The following MYO3A variants were observed in gnomAD, a reference collection of about 807,000 sequenced individuals.
MYO3A encodes the protein myosin-IIIa.
Under a neutral mutation model 192.7 loss-of-function variants are expected in MYO3A, and 180 were observed. The ratio of observed to expected loss-of-function variants is 0.93; its 90% CI spans 0.83 to 1.06. The LOEUF is 1.06. Ranked by LOEUF, MYO3A falls within the 50% of genes least tolerant of loss-of-function variation. The probability of loss-of-function intolerance (pLI) is 0.00; values close to 1 mark genes in which losing one functional copy is unlikely to be tolerated. For synonymous variants in MYO3A, 628 were observed against 645.3 expected, an observed-to-expected ratio of 0.97 and a Z score of 0.41; for missense variants, 1,896 against 1,905.0, an observed-to-expected ratio of 1.00 and a Z score of 0.09.
intron 6 of MYO3A, among the ~76,000 whole-genome samples, chr10:26,003,422 A>G (rs1840976500): frequency 6.6e-6 from 1 of 152,224 alleles, no homozygotes; most frequent in Non-Finnish European, 1.5e-5. Flanking sequence ...GAAGCTACCT[A>G]ATTACACTAA....
intron 2 of MYO3A, among the ~76,000 whole-genome samples, chr10:25,942,651 G>A (rs1836573051): frequency 6.6e-6 from 1 of 152,156 alleles, no homozygotes; most frequent in African/African-American, 2.4e-5. Context: ...TGAGCATGAA[G>A]TGGTATTGCA....
At chr10:26,000,053 A>G (rs1445680196) in intron 6 of MYO3A, among the ~76,000 whole-genome samples, 2 of 152,106 alleles carry the variant, frequency 1.3e-5, no homozygotes, top group Non-Finnish European at 2.9e-5. Context: ...CACTGCAGCC[A>G]GGGGGATCCT....
rs1488437883 is a variant in MYO3A, at chr10:26,021,659, T to C, written c.731+11T>C. 2 of 1,613,898 alleles carry C rather than the reference T, an allele frequency of 1.2e-6. No individual in the cohort carries two copies. The highest frequency in any genetic ancestry group is 1.3e-5 in the African/African-American group (1 of 74,916). ...CTTCAAAATACCAAGGTCAGATGAC[T>C]AACATTGGGTCCAGTATCTGCAGCC... On this transcript the variant is annotated intron_variant, in intron 8 of 34. Coordinates refer to ENST00000642920, the MANE Select transcript of MYO3A (RefSeq NM_017433.5).
intron 20 of MYO3A, among the ~76,000 whole-genome samples, chr10:26,142,226 G>A (rs889504768): frequency 1.3e-5 from 2 of 152,136 alleles, no homozygotes; most frequent in Non-Finnish European, 2.9e-5. Context: ...TGTTCCACTC[G>A]AGTCAGTGAT....
intron 7 of MYO3A, 25 bp from the exon 8 acceptor site, chr10:26,021,478 T>C: frequency 6.2e-7 from 1 of 1,612,846 alleles, no homozygotes; most frequent in South Asian, 1.1e-5. Context: ...AAATTTCACC[T>C]TTTGATGGTG....
At chr10:25,996,228 T>C (rs928933404) in intron 4 of MYO3A, among the ~76,000 whole-genome samples, 2 of 152,190 alleles carry the variant, frequency 1.3e-5, no homozygotes, top group Non-Finnish European at 2.9e-5. Flanking sequence ...ATAATTCTTA[T>C]CCTTGCATTT....
At chr10:25,953,099 A>G (rs1048480023) in intron 3 of MYO3A, among the ~76,000 whole-genome samples, 5 of 151,816 alleles carry the variant, frequency 3.3e-5, no homozygotes, top group African/African-American at 1.2e-4. Flanking sequence ...ATTGAAAGCA[A>G]CTGCTCCAAT....
intron 4 of MYO3A, among the ~76,000 whole-genome samples, chr10:25,981,270 C>T (rs931653511): frequency 3.9e-5 from 6 of 152,066 alleles, no homozygotes; most frequent in African/African-American, 1.2e-4. Flanking sequence ...ATATACCAAC[C>T]ATACCATACA....
chr10:26,019,899 C>G (rs1013281394), intron 7 of MYO3A, among the ~76,000 whole-genome samples: 2 of 152,170 alleles, frequency 1.3e-5, no homozygotes, highest in African/African-American at 4.8e-5. Flanking sequence ...TTTACTGTTT[C>G]CCTCAGTACT....
intron 15 of MYO3A, among the ~76,000 whole-genome samples, chr10:26,090,065 G>A (rs954743069): frequency 1.1e-4 from 17 of 152,270 alleles, no homozygotes; most frequent in African/African-American, 2.6e-4. Context: ...TAGAAGGACC[G>A]CGGGATCTTA....
At position 26,145,393 on chromosome 10, in the gene MYO3A, T is replaced by C. The variant is rs111849833; in HGVS notation, c.2417-53T>C. Reference sequence around the variant, plus strand: ...TTTATGGTAAATAATTTTCGCAGTATTTTTTGAGGATCTCATACATGCTTG... The same window carrying C: ...TTTATGGTAAATAATTTTCGCAGTACTTTTTGAGGATCTCATACATGCTTG... On this transcript the variant is annotated intron_variant, in intron 21 of 34. Transcript: ENST00000642920. 1.3e-3 allele frequency: 1,616 copies of C among 1,273,374 alleles called. 20 individuals carry two copies. In the African/African-American group the frequency reaches 0.021, roughly 16 times the overall value. The allele number at this position is 1,273,374 out of a possible 1,614,324, so 78.9% of individuals were successfully genotyped here.
At chr10:26,193,411 G>T in intron 32 of MYO3A, 100 bp downstream of exon 32, 1 of 983,094 alleles carries the variant, frequency 1.0e-6, no homozygotes, top group Non-Finnish European at 1.6e-6. Flanking sequence ...AGGAAGGCCT[G>T]GCAGGACAGA....
intron 24 of MYO3A, 105 bp from the exon 25 acceptor site, chr10:26,154,641 T>A (rs1016059405): frequency 8.1e-6 from 8 of 982,530 alleles, no homozygotes; most frequent in African/African-American, 6.4e-5. Context: ...TTTACATATT[T>A]GAATGCATAA....
At chr10:26,180,503 G>A (rs1019749908) in intron 31 of MYO3A, among the ~76,000 whole-genome samples, 33 of 152,272 alleles carry the variant, frequency 2.2e-4, no homozygotes, top group Middle Eastern at 6.8e-3. Context: ...GAAATTTCCA[G>A]TTAATGCAAT....
chr10:26,198,192 C>G (rs1356797873), intron 32 of MYO3A, among the ~76,000 whole-genome samples: 1 of 151,990 alleles, frequency 6.6e-6, no homozygotes, highest in African/African-American at 2.4e-5. Flanking sequence ...AATGGCGATT[C>G]TAGCGGCCTT....
In MYO3A at chr10:26,128,402, A is replaced by G. The variant is rs766225466; in HGVS notation, c.2126A>G (p.Asp709Gly). The change falls in exon 20 of 35, where the codon GAT becomes GGT. Residue 709 changes from aspartate to glycine, a missense_variant. By Grantham distance (94) the Asp-to-Gly change is moderately conservative. Coordinates refer to ENST00000642920, the MANE Select transcript of MYO3A (RefSeq NM_017433.5). ...KHDSSPSGNG[D>G]ELSIGILDIF... is the part of the protein sequence containing the mutation. ...TTCAATTCTTCTAGTGGGAATGGTGATGAGCTGAGCATTGGCATTCTTGAT... is the reference window on the plus strand; with the variant it reads ...TTCAATTCTTCTAGTGGGAATGGTGGTGAGCTGAGCATTGGCATTCTTGAT... 3 of 1,613,024 alleles carry G rather than the reference A, an allele frequency of 1.9e-6. No individual in the cohort carries two copies. In the Admixed American group the frequency reaches 5.0e-5, roughly 27 times the overall value.
intron 7 of MYO3A, among the ~76,000 whole-genome samples, chr10:26,018,780 A>G (rs1454117551): frequency 6.6e-6 from 1 of 152,224 alleles, no homozygotes; most frequent in Non-Finnish European, 1.5e-5. Context: ...AAACTGGGAC[A>G]TAGATTCACC....
chr10:26,021,654 A>G lies in MYO3A; in HGVS notation c.731+6A>G. The G allele has an allele frequency of 1.2e-6, 2 of 1,614,062 alleles. No individual in the cohort carries two copies. The highest frequency in any genetic ancestry group is 1.7e-6 in the Non-Finnish European group (2 of 1,179,910). ...GCACTCTTCAAAATACCAAGGTCAG[A>G]TGACTAACATTGGGTCCAGTATCTG... is the stretch of plus-strand genomic sequence containing the variant. On this transcript the variant is annotated splice_donor_region_variant and intron_variant, in intron 8 of 34. Transcript: ENST00000642920.
At chr10:25,970,643 G>A (rs992070165) in intron 4 of MYO3A, among the ~76,000 whole-genome samples, 4 of 151,760 alleles carry the variant, frequency 2.6e-5, no homozygotes, top group African/African-American at 7.2e-5. Flanking sequence ...ATGAAAGGAA[G>A]AGTTGTCTCT....
Sources: gnomAD v4.1 joint callset for allele counts (sites outside exome capture counted in the v4.1 genomes callset) on GRCh38, gnomAD v4.1.1 for gene constraint, MANE v1.5 for transcripts, NCBI Gene and HGNC (gene_info 2026-07-23, HGNC 2026-07-21) for gene names.